The following NRG3 variants were observed in gnomAD, a reference collection of about 807,000 sequenced individuals.
The protein encoded by NRG3 is pro-neuregulin-3, membrane-bound isoform.
Under a neutral mutation model 66.9 loss-of-function variants are expected in NRG3, and 31 were observed. The observed-to-expected ratio is 0.46, with a 90% CI of 0.35 to 0.63. The LOEUF is 0.63. Ranked by LOEUF, NRG3 falls within the 20% of genes least tolerant of loss-of-function variation. NRG3 has a pLI of 0.00. For synonymous variants in NRG3, 393 were observed against 359.4 expected (o/e 1.09, Z -1.06); for missense variants, 910 against 878.9 (o/e 1.04, Z -0.45).
At chr10:82,774,790 T>C (rs968050562) in intron 3 of NRG3, among the ~76,000 whole-genome samples, 1 of 150,744 alleles carries the variant, frequency 6.6e-6, no homozygotes, top group Non-Finnish European at 1.5e-5. Flanking sequence ...ATCCTTTTTA[T>C]TCCCCAGTTT....
chr10:82,799,177 G>A (rs1565327485), intron 3 of NRG3, among the ~76,000 whole-genome samples: 1 of 152,096 alleles, frequency 6.6e-6, no homozygotes, highest in Non-Finnish European at 1.5e-5. Flanking sequence ...AGACTTATTG[G>A]TGCGGCTGTA....
At chr10:82,500,145 G>A (rs535533937) in intron 2 of NRG3, among the ~76,000 whole-genome samples, 1 of 152,288 alleles carries the variant, frequency 6.6e-6, no homozygotes, top group South Asian at 2.1e-4. Context: ...GGATAGGGAT[G>A]TAGTAGGTCA....
At chr10:81,912,450 G>A (rs1845260227) in intron 1 of NRG3, among the ~76,000 whole-genome samples, 1 of 152,182 alleles carries the variant, frequency 6.6e-6, no homozygotes, top group South Asian at 2.1e-4. Context: ...TCAAACTCCT[G>A]GGTTCAAGGG....
intron 3 of NRG3, among the ~76,000 whole-genome samples, chr10:82,742,660 C>T (rs2058474503): frequency 6.6e-6 from 1 of 152,050 alleles, no homozygotes; most frequent in Non-Finnish European, 1.5e-5. Context: ...TGTGGAGGAG[C>T]CGGCATCAGC....
At chr10:81,958,193 C>G (rs1037482748) in intron 1 of NRG3, among the ~76,000 whole-genome samples, 2 of 152,120 alleles carry the variant, frequency 1.3e-5, no homozygotes, top group African/African-American at 4.8e-5. Context: ...CAAGTTCTGC[C>G]TTTATTAGTT....
intron 4 of NRG3, among the ~76,000 whole-genome samples, chr10:82,907,056 C>T (rs1844800416): frequency 6.6e-6 from 1 of 152,130 alleles, no homozygotes; most frequent in Admixed American, 6.6e-5. Context: ...TTTGGGTTAG[C>T]AGTCCTATTA....
chr10:82,205,076 A>T (rs973563533), intron 1 of NRG3, among the ~76,000 whole-genome samples: 18 of 152,232 alleles, frequency 1.2e-4, no homozygotes, highest in Non-Finnish European at 1.2e-4. Flanking sequence ...CAATAAGCAA[A>T]TGGAAATGTG....
chr10:81,932,169 A>C (rs1847420453), intron 1 of NRG3, among the ~76,000 whole-genome samples: 1 of 150,858 alleles, frequency 6.6e-6, no homozygotes, highest in Non-Finnish European at 1.5e-5. Context: ...AGAGAGATTG[A>C]GAGAGAGGAG....
At chr10:82,759,628 A>G (rs1047292587) in intron 3 of NRG3, among the ~76,000 whole-genome samples, 3 of 152,182 alleles carry the variant, frequency 2.0e-5, no homozygotes, top group Non-Finnish European at 4.4e-5. Flanking sequence ...CTCTTGACAC[A>G]GGTAGCACCC....
intron 1 of NRG3, among the ~76,000 whole-genome samples, chr10:81,906,934 A>G (rs1395640776): frequency 6.6e-6 from 1 of 152,162 alleles, no homozygotes; most frequent in African/African-American, 2.4e-5. Flanking sequence ...AGAGAAATCA[A>G]GTAGAACTGG....
intron 4 of NRG3, among the ~76,000 whole-genome samples, chr10:82,905,985 A>G (rs894823917): frequency 2.0e-5 from 3 of 152,192 alleles, no homozygotes. Context: ...ATGTCAATCT[A>G]GCAAGACTAG....
At position 82,843,465 on chromosome 10, in the gene NRG3, TAC is replaced by T. The variant is rs2063160811; in HGVS notation, c.1028-21942_1028-21941del. 3.3e-5 allele frequency among the ~76,000 whole-genome samples: 5 copies of T among 152,292 alleles called. No individual in the cohort carries two copies. The South Asian group carries it at 1.0e-3, about 32-fold the overall frequency. ...CAATATATTTCTATTCATCGTAAAT[TAC>T]ACAGTCTGCGGTATGCTGTTTTAGC... On this transcript the variant is annotated intron_variant, in intron 3 of 8. Coordinates refer to ENST00000372141, the MANE Select transcript of NRG3 (RefSeq NM_001010848.4).
intron 1 of NRG3, among the ~76,000 whole-genome samples, chr10:82,056,776 A>G (rs947456960): frequency 3.3e-5 from 5 of 152,150 alleles, no homozygotes; most frequent in Admixed American, 3.3e-4. Flanking sequence ...GTTAACAATT[A>G]TGTTCTCTTA....
chr10:81,979,108 G>A (rs578059057), intron 1 of NRG3, among the ~76,000 whole-genome samples: 1 of 148,132 alleles, frequency 6.8e-6, no homozygotes, highest in South Asian at 2.1e-4. Flanking sequence ...AGAATCGCTT[G>A]AACCTGGGAG....
rs547612181 is a variant in NRG3, at chr10:81,950,966, T to A, written c.823+74803T>A. Among the ~76,000 whole-genome samples, 63 of 152,138 alleles carry A rather than the reference T, an allele frequency of 4.1e-4. 1 individual carries two copies. In the South Asian group the frequency reaches 0.011, roughly 27 times the overall value. Reference sequence around the variant, plus strand: ...AATCTTGCCCTTGAGAAAAAAAAAATTTAAAAATGCTATTTATGCTTGTTA... The same window carrying A: ...AATCTTGCCCTTGAGAAAAAAAAAAATTAAAAATGCTATTTATGCTTGTTA... On this transcript the variant is annotated intron_variant, in intron 1 of 8. Transcript: ENST00000372141.
At chr10:82,855,481 T>C (rs1188333514) in intron 3 of NRG3, among the ~76,000 whole-genome samples, 2 of 152,118 alleles carry the variant, frequency 1.3e-5, no homozygotes, top group Admixed American at 1.3e-4. Context: ...CACTGCAACC[T>C]CGACTTCCCA....
chr10:82,195,876 C>T (rs549867651), intron 1 of NRG3, among the ~76,000 whole-genome samples: 1 of 152,252 alleles, frequency 6.6e-6, no homozygotes, highest in African/African-American at 2.4e-5. Context: ...AAGGTGGCTG[C>T]AGATGAAGGA....
chr10:81,980,454 A>G (rs1387629112), intron 1 of NRG3, among the ~76,000 whole-genome samples: 2 of 152,224 alleles, frequency 1.3e-5, no homozygotes, highest in South Asian at 4.1e-4. Flanking sequence ...AAAAAAGACA[A>G]TGATTTACCA....
chr10:82,631,937 A>G (rs2049871900), intron 2 of NRG3, among the ~76,000 whole-genome samples: 1 of 152,014 alleles, frequency 6.6e-6, no homozygotes, highest in Non-Finnish European at 1.5e-5. Context: ...TTCCGTCTCT[A>G]CCAAAAATAC....
Sources: allele counts gnomAD v4.1 joint callset (sites outside exome capture counted in the v4.1 genomes callset), GRCh38; gene constraint gnomAD v4.1.1; transcripts MANE v1.5; gene names NCBI Gene and HGNC (gene_info 2026-07-23, HGNC 2026-07-21).